PDE4D: variants seen among roughly 807,000 people sequenced by gnomAD.
The protein encoded by PDE4D is 3',5'-cyclic-AMP phosphodiesterase 4D.
PDE4D carries 24 observed loss-of-function variants against 87.4 expected under a neutral mutation model. The ratio of observed to expected loss-of-function variants is 0.27; its 90% confidence interval spans 0.20 to 0.39. PDE4D has a LOEUF of 0.39. Ranked by LOEUF, PDE4D falls within the 10% of genes least tolerant of loss-of-function variation. PDE4D has a pLI of 1.00. For missense variants in PDE4D, 714 were observed against 1,041.0 expected, an observed-to-expected ratio of 0.69 and a Z score of 4.32; for synonymous variants, 384 against 383.2, an observed-to-expected ratio of 1.00 and a Z score of -0.02.
intron 1 of PDE4D, among the ~76,000 whole-genome samples, chr5:59,301,975 A>G (rs1215085663): frequency 1.3e-5 from 2 of 152,180 alleles, no homozygotes; most frequent in East Asian, 3.9e-4. Flanking sequence ...ATCTGCAGTA[A>G]GGGGCAAAAT....
At chr5:60,474,369 G>A (rs77188148) in intron 1 of PDE4D, among the ~76,000 whole-genome samples, 4,113 of 151,286 alleles carry the variant, frequency 0.027, 87 homozygotes, top group Middle Eastern at 0.09. Context: ...TGGAGAGAGA[G>A]CCCTCACAAC....
rs549508868 is a variant in PDE4D, at chr5:59,397,225, C to T, written c.456-181257G>A. On this transcript the variant is annotated intron_variant, in intron 1 of 14. Coordinates refer to ENST00000340635, the MANE Select transcript of PDE4D (RefSeq NM_001104631.2). ...GAATTGAACTCAGCTCTGCACCAAG[C>T]AGACCTAATAGACATCTACAGAACT... Among the ~76,000 whole-genome samples, 7 of 118,048 alleles carry T rather than the reference C, an allele frequency of 5.9e-5. 1 individual carries two copies. The highest frequency in any genetic ancestry group is 2.5e-4 in the Admixed American group (3 of 12,060). 77.4% of individuals were successfully genotyped at this position (118,048 alleles called of 152,430 possible).
At chr5:59,166,919 G>A (rs979430841) in intron 5 of PDE4D, among the ~76,000 whole-genome samples, 2 of 152,168 alleles carry the variant, frequency 1.3e-5, no homozygotes, top group African/African-American at 4.8e-5. Flanking sequence ...TAATTGCACA[G>A]TTTCCAGAGA....
At chr5:59,245,273 A>G (rs900938036) in intron 1 of PDE4D, among the ~76,000 whole-genome samples, 1 of 152,172 alleles carries the variant, frequency 6.6e-6, no homozygotes, top group Non-Finnish European at 1.5e-5. Context: ...TTCCTCCAAA[A>G]TAATGGTCAA....
At chr5:58,997,669 A>G (rs1749540992) in intron 6 of PDE4D, among the ~76,000 whole-genome samples, 1 of 32,738 alleles carries the variant, frequency 3.1e-5, no homozygotes, top group Non-Finnish European at 5.1e-5. Context: ...TTAGGGTTGC[A>G]ACTAAAAAAA....
chr5:59,228,334 A>G (rs1475542911), intron 1 of PDE4D, among the ~76,000 whole-genome samples: 2 of 152,068 alleles, frequency 1.3e-5, no homozygotes, highest in East Asian at 3.9e-4. Context: ...TGGGTGACAA[A>G]ATAATATGTA....
chr5:59,736,904 T>C (rs1758148872), intron 1 of PDE4D, among the ~76,000 whole-genome samples: 1 of 152,164 alleles, frequency 6.6e-6, no homozygotes. Flanking sequence ...TTCTTTGCAA[T>C]TTTTGGAGGC....
chr5:59,995,015 A>T (rs796684560), intron 2 of PDE4D, among the ~76,000 whole-genome samples: 8 of 152,310 alleles, frequency 5.3e-5, no homozygotes, highest in African/African-American at 1.9e-4. Flanking sequence ...GATAATCACC[A>T]GTATATGATC....
chr5:60,179,792 A>C (rs2149496959), intron 2 of PDE4D, among the ~76,000 whole-genome samples: 1 of 152,296 alleles, frequency 6.6e-6, no homozygotes, highest in Admixed American at 6.5e-5. Context: ...AAAAAAAGCT[A>C]AACAAAATTT....
chr5:59,781,248 G>T (rs1306062780), intron 1 of PDE4D, among the ~76,000 whole-genome samples: 1 of 151,454 alleles, frequency 6.6e-6, no homozygotes, highest in East Asian at 1.9e-4. Context: ...TGAAAAAGGA[G>T]TGTAATTCCT....
intron 1 of PDE4D, among the ~76,000 whole-genome samples, chr5:59,423,387 C>T (rs1794751749): frequency 6.6e-6 from 1 of 152,148 alleles, no homozygotes; most frequent in Admixed American, 6.6e-5. Context: ...GTCAGGATTT[C>T]ACACTGCTTC....
At chr5:59,473,939 T>A (rs1435364838) in intron 1 of PDE4D, among the ~76,000 whole-genome samples, 1 of 152,194 alleles carries the variant, frequency 6.6e-6, no homozygotes, top group Non-Finnish European at 1.5e-5. Flanking sequence ...AACTGTGCCT[T>A]TGACAGTTCC....
rs1272491578 is a variant in PDE4D at position 60,389,079 on chromosome 5, T to C, written c.-90+98863A>G. Among the ~76,000 whole-genome samples the C allele has an allele frequency of 2.6e-5, 4 of 152,150 alleles. No homozygotes were observed. The East Asian group carries it at 7.7e-4, about 29-fold the overall frequency. The stretch of plus-strand genomic sequence containing the variant: ...TAGAATATCATATAGATATAGAATA[T>C]GATATAGAGAGGTTTTACACTTTAT... On this transcript the variant is annotated intron_variant, in intron 1 of 16. Coordinates refer to the PDE4D transcript ENST00000502484.
chr5:60,311,051 C>G (rs940008191), intron 1 of PDE4D, among the ~76,000 whole-genome samples: 1 of 142,948 alleles, frequency 7.0e-6, no homozygotes, highest in African/African-American at 2.7e-5. Flanking sequence ...GAGTTTTGCT[C>G]TTGTTGCCCA....
At chr5:60,107,972 C>A (rs1475268920) in intron 2 of PDE4D, among the ~76,000 whole-genome samples, 2 of 152,172 alleles carry the variant, frequency 1.3e-5, no homozygotes, top group Non-Finnish European at 2.9e-5. Context: ...CTTCTCTCAC[C>A]ACTCCTAGTC....
chr5:59,640,970 T>G (rs1741484026), intron 1 of PDE4D, among the ~76,000 whole-genome samples: 1 of 151,758 alleles, frequency 6.6e-6, no homozygotes, highest in Admixed American at 6.6e-5. Flanking sequence ...TTCTCAGAGA[T>G]TTATAGAAAA....
chr5:60,019,793 C>T (rs1218398990), intron 2 of PDE4D, among the ~76,000 whole-genome samples: 1 of 152,142 alleles, frequency 6.6e-6, no homozygotes, highest in Non-Finnish European at 1.5e-5. Context: ...AGCAAGAAGG[C>T]TATTCGCTTT....
chr5:60,117,477 C>T (rs1412876470), intron 2 of PDE4D, among the ~76,000 whole-genome samples: 1 of 152,062 alleles, frequency 6.6e-6, no homozygotes, highest in African/African-American at 2.4e-5. Context: ...TAAATCAGCT[C>T]ATATTAGACT....
intron 1 of PDE4D, among the ~76,000 whole-genome samples, chr5:59,690,902 G>A (rs540311022): frequency 6.6e-6 from 1 of 152,232 alleles, no homozygotes; most frequent in South Asian, 2.1e-4. Flanking sequence ...ATCAAAAAGT[G>A]GGCAAAGGAT....
Sources: allele counts gnomAD v4.1 joint callset (sites outside exome capture counted in the v4.1 genomes callset), GRCh38; gene constraint gnomAD v4.1.1; transcripts MANE v1.5; gene names NCBI Gene and HGNC (gene_info 2026-07-23, HGNC 2026-07-21).